Variants in SND1 observed in about 807,000 individuals in gnomAD.
SND1 encodes staphylococcal nuclease domain-containing protein 1.
A neutral mutation model predicts 121.7 loss-of-function variants in SND1; 38 were observed. The ratio of observed to expected loss-of-function variants is 0.31; its 90% CI spans 0.24 to 0.41. SND1 has a LOEUF of 0.41. SND1 is among the 10% of genes least tolerant of loss of function. The pLI is 1.00. For synonymous variants in SND1, 401 were observed against 447.4 expected (o/e 0.90, Z 1.31); for missense variants, 868 against 1,184.6 (o/e 0.73, Z 3.92).
chr7:127,933,399 C>T (rs540666139), intron 15 of SND1, among the ~76,000 whole-genome samples: 1 of 152,198 alleles, frequency 6.6e-6, no homozygotes, highest in Non-Finnish European at 1.5e-5. Flanking sequence ...ACATTTTTCT[C>T]CTGCCATAGT....
chr7:128,086,725 A>C, intron 20 of SND1: 3 of 606,338 alleles, frequency 4.9e-6, no homozygotes, highest in Non-Finnish European at 8.9e-6. Context: ...GCCCAGAGTG[A>C]GCTCCCCATC....
At chr7:128,081,819 T>C in intron 18 of SND1, 1 of 572,314 alleles carries the variant, frequency 1.7e-6, no homozygotes, top group South Asian at 1.4e-5. Flanking sequence ...TGATTGTTTG[T>C]TCCTACATAC....
intron 16 of SND1, among the ~76,000 whole-genome samples, chr7:127,994,703 C>CT (rs1351049328): frequency 6.6e-6 from 1 of 151,622 alleles, no homozygotes; most frequent in East Asian, 2.0e-4. Flanking sequence ...CATGCTAACT[C>CT]TGTTTTTTCT....
intron 16 of SND1, among the ~76,000 whole-genome samples, chr7:128,049,618 T>C (rs555504282): frequency 1.2e-4 from 19 of 152,306 alleles, no homozygotes; most frequent in Middle Eastern, 3.4e-3. Flanking sequence ...GATGGCATTA[T>C]GGTCAGCAGC....
At chr7:127,799,661 T>C (rs992564893) in intron 10 of SND1, among the ~76,000 whole-genome samples, 1 of 152,246 alleles carries the variant, frequency 6.6e-6, no homozygotes, top group Non-Finnish European at 1.5e-5. Context: ...TTTCTATTGT[T>C]TTCCATTTCG....
At chr7:127,680,237 A>T (rs1394591020) in intron 1 of SND1, among the ~76,000 whole-genome samples, 1 of 152,216 alleles carries the variant, frequency 6.6e-6, no homozygotes, top group Non-Finnish European at 1.5e-5. Context: ...AAATGGAGGC[A>T]GGGCGAGATC....
intron 16 of SND1, among the ~76,000 whole-genome samples, chr7:128,037,734 GGA>G (rs1359416912): frequency 2.0e-5 from 3 of 152,196 alleles, no homozygotes; most frequent in Non-Finnish European, 4.4e-5. Flanking sequence ...CACTGGGAAG[GGA>G]GAGAGTCTCT....
At chr7:127,695,661 C>T (rs903943200) in intron 3 of SND1, among the ~76,000 whole-genome samples, 2 of 152,036 alleles carry the variant, frequency 1.3e-5, no homozygotes, top group Non-Finnish European at 2.9e-5. Flanking sequence ...GGTAAAACCC[C>T]GTTTCTATGG....
chr7:127,854,353 T>G (rs1799228205), intron 12 of SND1, among the ~76,000 whole-genome samples: 1 of 152,096 alleles, frequency 6.6e-6, no homozygotes, highest in Non-Finnish European at 1.5e-5. Flanking sequence ...GGTCTTGAAC[T>G]CCTGACCTTA....
At chr7:127,804,255 C>G (rs1238214846) in intron 10 of SND1, among the ~76,000 whole-genome samples, 1 of 152,162 alleles carries the variant, frequency 6.6e-6, no homozygotes, top group Non-Finnish European at 1.5e-5. Flanking sequence ...TCAATAGCTA[C>G]TAGCTCTGAG....
chr7:127,739,814 G>A (rs1796844508), intron 10 of SND1, among the ~76,000 whole-genome samples: 1 of 152,226 alleles, frequency 6.6e-6, no homozygotes, highest in South Asian at 2.1e-4. Flanking sequence ...AGGTGCTTCA[G>A]ACATTCTTTA....
intron 11 of SND1, among the ~76,000 whole-genome samples, chr7:127,832,095 A>G (rs1487152776): frequency 2.6e-5 from 4 of 152,200 alleles, no homozygotes; most frequent in Non-Finnish European, 5.9e-5. Context: ...CATCATATTT[A>G]TTCAGTATTG....
At chr7:127,740,567 A>G (rs1796862110) in intron 10 of SND1, among the ~76,000 whole-genome samples, 1 of 152,234 alleles carries the variant, frequency 6.6e-6, no homozygotes, top group South Asian at 2.1e-4. Flanking sequence ...GAAAAATGTT[A>G]AGAATAGATG....
intron 9 of SND1, among the ~76,000 whole-genome samples, chr7:127,715,250 A>G (rs1476552200): frequency 6.6e-6 from 1 of 151,974 alleles, no homozygotes. Flanking sequence ...ATGATTAGTA[A>G]TGTTGAGCAT....
At position 128,029,357 on chromosome 7, in the gene SND1, A is replaced by G. The variant is rs1792505307; in HGVS notation, c.1779+38301A>G. The G allele has an allele frequency of 6.2e-7, 1 of 1,614,082 alleles. No individual in the cohort carries two copies. Reference sequence around the variant, plus strand: ...CCGAGGCGTTGGAGTTGCCTGCAACATTGGTCACCATGCATGTGTACACCC... The same window carrying G: ...CCGAGGCGTTGGAGTTGCCTGCAACGTTGGTCACCATGCATGTGTACACCC... On this transcript the variant is annotated intron_variant, in intron 16 of 23. Transcript: ENST00000354725. The surrounding 1 kb of genome is among the most constrained non-coding windows in gnomAD (Gnocchi z 4.2).
At chr7:127,779,031 C>G (rs1266086839) in intron 10 of SND1, among the ~76,000 whole-genome samples, 1 of 152,188 alleles carries the variant, frequency 6.6e-6, no homozygotes, top group Non-Finnish European at 1.5e-5. Flanking sequence ...TTAACAAATA[C>G]CGTGTTTCCT....
Position 127,975,801 on chromosome 7 carries a change from G to A in SND1, c.1670-15146G>A, listed in dbSNP as rs548671732. Among the ~76,000 whole-genome samples the A allele has an allele frequency of 3.3e-5, 5 of 152,270 alleles. No individual in the cohort carries two copies. In the East Asian group the frequency reaches 7.7e-4, roughly 24 times the overall value. On this transcript the variant is annotated intron_variant, in intron 15 of 23. Coordinates refer to ENST00000354725, the MANE Select transcript of SND1 (RefSeq NM_014390.4). The stretch of plus-strand genomic sequence containing the variant: ...ACTTTCTTCTGTGCGCTGTAGCGCC[G>A]AGCACGCTACCCCGTTCTTCTCTCT...
intron 13 of SND1, among the ~76,000 whole-genome samples, chr7:127,894,163 G>A (rs1376137597): frequency 2.0e-5 from 3 of 151,974 alleles, no homozygotes; most frequent in Non-Finnish European, 4.4e-5. Flanking sequence ...TCTTGGTAAC[G>A]CAGTTAATGG....
At chr7:127,800,862 C>T (rs1205763463) in intron 10 of SND1, among the ~76,000 whole-genome samples, 1 of 152,192 alleles carries the variant, frequency 6.6e-6, no homozygotes, top group Non-Finnish European at 1.5e-5. Flanking sequence ...TTGCTGCTTA[C>T]ATAGCTCTAT....
Sources: gnomAD v4.1 joint callset for allele counts (sites outside exome capture counted in the v4.1 genomes callset) on GRCh38, gnomAD v4.1.1 for gene constraint, Gnocchi (gnomAD v3.1) non-coding constraint, MANE v1.5 for transcripts, NCBI Gene and HGNC (gene_info 2026-07-23, HGNC 2026-07-21) for gene names.